Variants in ERC2 observed in about 807,000 individuals in gnomAD.
The protein encoded by ERC2 is ERC protein 2.
ERC2 carries 42 observed loss-of-function variants against 114.8 expected under a neutral mutation model. The ratio of observed to expected loss-of-function variants is 0.37; its 90% CI spans 0.29 to 0.47. The LOEUF is 0.47. Among genes scored for constraint, ERC2 ranks in the 20% least tolerant of loss-of-function variants. The pLI, the probability that ERC2 is intolerant of heterozygous loss-of-function variation, is 0.99. For missense variants in ERC2, 939 were observed against 1,150.7 expected, an observed-to-expected ratio of 0.82 and a Z score of 2.66; for synonymous variants, 454 against 425.5, an observed-to-expected ratio of 1.07 and a Z score of -0.82.
chr3:55,995,303 A>C (rs759827172), intron 10 of ERC2, among the ~76,000 whole-genome samples: 19 of 151,962 alleles, frequency 1.3e-4, no homozygotes, highest in Non-Finnish European at 2.4e-4. Context: ...ACTATACTCC[A>C]GCCTGGCGAC....
chr3:55,662,774 T>C (rs1048006314), intron 17 of ERC2, among the ~76,000 whole-genome samples: 6 of 152,210 alleles, frequency 3.9e-5, no homozygotes, highest in African/African-American at 1.2e-4. Flanking sequence ...CAATGGGACT[T>C]GAAATATGAT....
chr3:55,822,632 T>C (rs1332344034), intron 14 of ERC2, among the ~76,000 whole-genome samples: 1 of 150,056 alleles, frequency 6.7e-6, no homozygotes, highest in Non-Finnish European at 1.5e-5. Flanking sequence ...TGGCGCAATC[T>C]TGGCTCACTG....
intron 12 of ERC2, among the ~76,000 whole-genome samples, chr3:55,962,553 A>T (rs527907130): frequency 6.6e-6 from 1 of 152,384 alleles, no homozygotes; most frequent in East Asian, 1.9e-4. Context: ...ACATGAGACC[A>T]GGGCTATATA....
intron 3 of ERC2, among the ~76,000 whole-genome samples, chr3:56,196,897 TC>T (rs1375997162): frequency 6.6e-6 from 1 of 152,122 alleles, no homozygotes; most frequent in African/African-American, 2.4e-5. Flanking sequence ...CACATTAGAA[TC>T]CCTGGGAATA....
chr3:56,254,671 T>G (rs1239279273), intron 3 of ERC2, among the ~76,000 whole-genome samples: 1 of 152,212 alleles, frequency 6.6e-6, no homozygotes, highest in Non-Finnish European at 1.5e-5. Context: ...AAAATGAATG[T>G]TGAATCAGTA....
chr3:56,386,492 T>G (rs929265905), intron 2 of ERC2, among the ~76,000 whole-genome samples: 8 of 152,134 alleles, frequency 5.3e-5, no homozygotes, highest in Non-Finnish European at 1.0e-4. Flanking sequence ...CTTTTGAAAA[T>G]ATGGGCTCCA....
chr3:55,793,456 A>G (rs2070220117), intron 14 of ERC2, among the ~76,000 whole-genome samples: 1 of 152,178 alleles, frequency 6.6e-6, no homozygotes, highest in Non-Finnish European at 1.5e-5. Flanking sequence ...GTAAGCAGAA[A>G]AGATACTGGT....
At chr3:55,960,754 T>C (rs2068300753) in intron 12 of ERC2, among the ~76,000 whole-genome samples, 1 of 152,136 alleles carries the variant, frequency 6.6e-6, no homozygotes, top group Admixed American at 6.5e-5. Flanking sequence ...CCCAATCCAC[T>C]CTCTGCTGGG....
chr3:56,031,076 G>A (rs1382580681), intron 7 of ERC2, among the ~76,000 whole-genome samples: 1 of 152,012 alleles, frequency 6.6e-6, no homozygotes, highest in East Asian at 1.9e-4. Flanking sequence ...TTTCCAGTGA[G>A]GATCAGCACT....
At chr3:55,738,641 C>T (rs897933687) in intron 14 of ERC2, among the ~76,000 whole-genome samples, 2 of 152,056 alleles carry the variant, frequency 1.3e-5, no homozygotes, top group Admixed American at 6.6e-5. Flanking sequence ...TAGTAGTCTC[C>T]GAACCAGACT....
intron 17 of ERC2, among the ~76,000 whole-genome samples, chr3:55,583,916 A>G (rs2057455944): frequency 6.6e-6 from 1 of 152,078 alleles, no homozygotes. Flanking sequence ...GTACAGGGTT[A>G]GGAGTCAAGC....
At chr3:55,990,265 T>C (rs2070958804) in intron 11 of ERC2, among the ~76,000 whole-genome samples, 1 of 152,214 alleles carries the variant, frequency 6.6e-6, no homozygotes, top group Non-Finnish European at 1.5e-5. Context: ...TTGACTTTAC[T>C]GCTAAAATTG....
At chr3:55,864,573 A>T (rs2062208879) in intron 14 of ERC2, among the ~76,000 whole-genome samples, 1 of 152,146 alleles carries the variant, frequency 6.6e-6, no homozygotes, top group Non-Finnish European at 1.5e-5. Context: ...GCCAACATGC[A>T]GTTTCTATAA....
At chr3:56,461,176 A>G (rs1166031208) in intron 1 of ERC2, among the ~76,000 whole-genome samples, 2 of 152,194 alleles carry the variant, frequency 1.3e-5, no homozygotes, top group Non-Finnish European at 2.9e-5. Context: ...CTAACTACAA[A>G]GTAAGGACAA....
At chr3:55,646,877 C>G (rs907222466) in intron 17 of ERC2, among the ~76,000 whole-genome samples, 1 of 152,118 alleles carries the variant, frequency 6.6e-6, no homozygotes, top group Admixed American at 6.5e-5. Context: ...AAGGTCACAA[C>G]GGTAATAAGT....
intron 2 of ERC2, among the ~76,000 whole-genome samples, chr3:56,302,198 G>C (rs1188382516): frequency 1.3e-5 from 2 of 152,152 alleles, no homozygotes; most frequent in Admixed American, 1.3e-4. Context: ...GGGTTTCTGG[G>C]ATCCTGGACT....
chr3:55,927,831 T>C (rs1033394548), intron 13 of ERC2, among the ~76,000 whole-genome samples: 17 of 152,122 alleles, frequency 1.1e-4, no homozygotes, highest in African/African-American at 3.4e-4. Flanking sequence ...TTTTTTTAGC[T>C]CCCACAAATA....
At chr3:56,448,255 C>A (rs2062672050) in intron 1 of ERC2, among the ~76,000 whole-genome samples, 1 of 152,162 alleles carries the variant, frequency 6.6e-6, no homozygotes, top group African/African-American at 2.4e-5. Context: ...ACACTGCAAC[C>A]CAGGTTTTTA....
chr3:55,808,699 T>TTTTA (rs1288846181), intron 14 of ERC2, among the ~76,000 whole-genome samples: 1 of 60,910 alleles, frequency 1.6e-5, no homozygotes, highest in Non-Finnish European at 2.9e-5. Context: ...TATACCATAA[T>TTTTA]TTTATATATA....
Sources: allele counts gnomAD v4.1 joint callset (sites outside exome capture counted in the v4.1 genomes callset), GRCh38; gene constraint gnomAD v4.1.1; transcripts MANE v1.5; gene names NCBI Gene and HGNC (gene_info 2026-07-23, HGNC 2026-07-21).